CDADC1: variants seen among roughly 807,000 people sequenced by gnomAD.
The protein encoded by CDADC1 is dCTP deaminase.
CDADC1 carries 39 observed loss-of-function variants against 54.9 expected under a neutral mutation model. The ratio of observed to expected loss-of-function variants is 0.71; its 90% confidence interval spans 0.55 to 0.93. The LOEUF (loss-of-function observed/expected upper bound fraction) is 0.93, where lower values mean the gene tolerates loss of function less well. CDADC1 is among the 40% of genes least tolerant of loss of function. The pLI, the probability that CDADC1 is intolerant of heterozygous loss-of-function variation, is 0.00. For missense variants in CDADC1, 518 were observed against 618.8 expected (o/e 0.84, Z 1.73); for synonymous variants, 186 against 204.0 (o/e 0.91, Z 0.75).
chr13:49,291,163 G>GT (rs1482418432), intron 9 of CDADC1, among the ~76,000 whole-genome samples: 5 of 69,956 alleles, frequency 7.1e-5, no homozygotes, highest in African/African-American at 2.0e-4. Flanking sequence ...AGTGAATTCA[G>GT]TTTTTGGTTT....
chr13:49,248,147 A>ACCCT, intron 1 of CDADC1, 28 bp downstream of exon 1: 1 of 1,530,360 alleles, frequency 6.5e-7, no homozygotes, highest in Non-Finnish European at 8.9e-7. Context: ...TGCTCCCGCC[A>ACCCT]CCCTACCTTT....
At chr13:49,282,655 ATAT>A (rs924688434) in intron 8 of CDADC1, among the ~76,000 whole-genome samples, 5 of 152,224 alleles carry the variant, frequency 3.3e-5, no homozygotes, top group African/African-American at 1.2e-4. Flanking sequence ...GAAATGTCTT[ATAT>A]AGCAGGTTTC....
intron 6 of CDADC1, among the ~76,000 whole-genome samples, chr13:49,276,461 G>C (rs1269719058): frequency 6.6e-6 from 1 of 152,170 alleles, no homozygotes; most frequent in East Asian, 1.9e-4. Flanking sequence ...CCTACATTTT[G>C]CCTCAGGGAC....
At chr13:49,279,833 C>G (rs1175259829) in intron 7 of CDADC1, among the ~76,000 whole-genome samples, 1 of 152,146 alleles carries the variant, frequency 6.6e-6, no homozygotes, top group Non-Finnish European at 1.5e-5. Flanking sequence ...CCTAAACTAC[C>G]CTCAGCATGC....
At chr13:49,274,182 A>G (rs1443163812) in intron 5 of CDADC1, 109 bp from the exon 6 acceptor site, 3 of 759,468 alleles carry the variant, frequency 4.0e-6, no homozygotes, top group East Asian at 2.7e-5. Context: ...GATTGCTGCT[A>G]CATTTATGAA....
At chr13:49,266,152 T>A in intron 4 of CDADC1, 1 of 211,994 alleles carries the variant, frequency 4.7e-6, no homozygotes, top group Non-Finnish European at 9.5e-6. Flanking sequence ...CTCTTTCTAT[T>A]TGCTTCTGGG....
intron 4 of CDADC1, among the ~76,000 whole-genome samples, chr13:49,261,234 A>G (rs1476625787): frequency 1.3e-5 from 2 of 152,190 alleles, no homozygotes; most frequent in African/African-American, 4.8e-5. Context: ...TGAGCTATAA[A>G]TGGCAGAACT....
At chr13:49,270,145 T>C (rs2138227413) in intron 5 of CDADC1, among the ~76,000 whole-genome samples, 1 of 152,346 alleles carries the variant, frequency 6.6e-6, no homozygotes, top group African/African-American at 2.4e-5. Context: ...CAAATCTTTT[T>C]ATCCAAAGAT....
At chr13:49,260,348 G>A (rs947083578) in intron 4 of CDADC1, among the ~76,000 whole-genome samples, 6 of 152,176 alleles carry the variant, frequency 3.9e-5, no homozygotes, top group African/African-American at 1.4e-4. Flanking sequence ...TCTCCATTTG[G>A]TTGATTCCTG....
At chr13:49,258,047 T>A (rs1427643276) in intron 3 of CDADC1, among the ~76,000 whole-genome samples, 1 of 152,246 alleles carries the variant, frequency 6.6e-6, no homozygotes, top group Non-Finnish European at 1.5e-5. Flanking sequence ...TGTATTCCTT[T>A]ATAAATGTCC....
At chr13:49,278,212 A>AT in intron 6 of CDADC1, 138 bp from the exon 7 acceptor site, 2 of 599,564 alleles carry the variant, frequency 3.3e-6, no homozygotes, top group Non-Finnish European at 5.4e-6. Context: ...CTGGTATTAT[A>AT]TTTTTTGATA....
chr13:49,283,547 A>G (rs1377326601), intron 8 of CDADC1, among the ~76,000 whole-genome samples: 1 of 152,216 alleles, frequency 6.6e-6, no homozygotes, highest in Non-Finnish European at 1.5e-5. Flanking sequence ...AAGATTAAGG[A>G]CTATGAGTGA....
chr13:49,290,358 C>T (rs961357124), intron 9 of CDADC1, among the ~76,000 whole-genome samples: 2 of 151,654 alleles, frequency 1.3e-5, no homozygotes, highest in Admixed American at 6.6e-5. Context: ...TATTGTTAGG[C>T]TTTAGAACTC....
rs2138197781 is a variant in CDADC1, at chr13:49,255,884, A to G, written c.223A>G (p.Arg75Gly). The G allele has an allele frequency of 6.2e-7, 1 of 1,612,112 alleles. No individual in the cohort carries two copies. Among genetic ancestry groups the G allele is most frequent in the East Asian group, 2.2e-5 (1 of 44,754 alleles). The change falls in exon 3 of 10, where the codon AGG becomes GGG. Residue 75 changes from arginine to glycine, a missense_variant. By Grantham distance (125) the Arg-to-Gly change is moderately radical (BLOSUM62 -2). Transcript: ENST00000251108. ...KHGPLGDNEE[R>G]TRVSTDKRQV... is the part of the protein sequence containing the mutation. ...TGGACCCTTAGGAGATAATGAAGAG[A>G]GGACCAGAGTATCTACTGACAAAAG...
intron 7 of CDADC1, 111 bp from the exon 8 acceptor site, chr13:49,280,398 G>A (rs1953286534): frequency 4.2e-6 from 2 of 475,056 alleles, no homozygotes; most frequent in Non-Finnish European, 7.2e-6. Flanking sequence ...TATTAATAAT[G>A]TCATAAATCT....
chr13:49,250,706 C>A (rs1952408671), intron 2 of CDADC1, among the ~76,000 whole-genome samples: 1 of 152,082 alleles, frequency 6.6e-6, no homozygotes, highest in African/African-American at 2.4e-5. Flanking sequence ...TTTATCTTAT[C>A]AATATAGGAA....
intron 9 of CDADC1, among the ~76,000 whole-genome samples, chr13:49,290,781 C>T (rs1023328455): frequency 2.0e-5 from 3 of 152,094 alleles, no homozygotes; most frequent in African/African-American, 7.2e-5. Flanking sequence ...GCCAAGAGTT[C>T]AAGACCAGTT....
At chr13:49,259,583 G>A in intron 4 of CDADC1, 60 bp downstream of exon 4, 2 of 1,509,062 alleles carry the variant, frequency 1.3e-6, no homozygotes, top group Non-Finnish European at 1.8e-6. Flanking sequence ...GGGCGTGGTG[G>A]TTTATGCCTG....
Position 49,292,832 on chromosome 13 carries a change from G to A in CDADC1, c.*1075G>A, listed in dbSNP as rs768393423. On this transcript the variant is annotated 3_prime_UTR_variant, in exon 10 of 10. Transcript: ENST00000251108. ...TGAGAAATGTCTTCCTGGATCTGCG[G>A]TGGTCAGGTTTGCCTCTGCTTTTGT... 13 of 1,270,006 alleles carry A rather than the reference G, an allele frequency of 1.0e-5. 1 individual carries two copies. The South Asian group carries it at 1.6e-4, about 16-fold the overall frequency. The allele number at this position is 1,270,006 out of a possible 1,614,324, so 78.7% of individuals were successfully genotyped here.
Sources: allele counts gnomAD v4.1 joint callset (sites outside exome capture counted in the v4.1 genomes callset), GRCh38; gene constraint gnomAD v4.1.1; transcripts MANE v1.5; gene names NCBI Gene and HGNC (gene_info 2026-07-23, HGNC 2026-07-21).